The following YARS1 variants were observed in gnomAD, a reference collection of about 807,000 sequenced individuals.
YARS1 encodes tyrosine--tRNA ligase, cytoplasmic.
A neutral mutation model predicts 62.2 loss-of-function variants in YARS1; 36 were observed. That is an observed-to-expected ratio of 0.58 (90% confidence interval 0.44 to 0.76). The LOEUF is 0.76. YARS1 is among the 30% of genes least tolerant of loss of function. The pLI, the probability that YARS1 is intolerant of heterozygous loss-of-function variation, is 0.00. For missense variants in YARS1, 524 were observed against 639.8 expected (o/e 0.82, Z 1.95); for synonymous variants, 234 against 244.9 (o/e 0.96, Z 0.42).
intron 5 of YARS1, among the ~76,000 whole-genome samples, chr1:32,794,901 G>C (rs1653524297): frequency 6.7e-6 from 1 of 150,374 alleles, no homozygotes; most frequent in East Asian, 2.0e-4. Flanking sequence ...CTACTCGGAA[G>C]GCTGAGGCAG....
chr1:32,806,735 A>C, intron 3 of YARS1, 124 bp from the exon 4 acceptor site: 1 of 1,323,250 alleles, frequency 7.6e-7, no homozygotes, highest in Non-Finnish European at 1.1e-6. Context: ...GGTTTTAAAA[A>C]TATATTTTAA....
intron 5 of YARS1, among the ~76,000 whole-genome samples, chr1:32,792,088 G>A (rs1044436104): frequency 1.3e-5 from 2 of 152,202 alleles, no homozygotes; most frequent in African/African-American, 4.8e-5. Flanking sequence ...TCATAGCTGT[G>A]TATGCACATA....
chr1:32,812,182 A>G (rs1269816710), intron 1 of YARS1, among the ~76,000 whole-genome samples: 5 of 152,140 alleles, frequency 3.3e-5, no homozygotes, highest in Non-Finnish European at 7.3e-5. Flanking sequence ...ATGCCTGGCT[A>G]GTTTTTTCAG....
At chr1:32,780,411 C>A (rs1028111847) in intron 10 of YARS1, 133 bp from the exon 11 acceptor site, 6 of 991,640 alleles carry the variant, frequency 6.1e-6, no homozygotes, top group African/African-American at 1.6e-5. Flanking sequence ...AGCTAACTTT[C>A]TTTCCACGTC....
chr1:32,799,657 T>A (rs993587937), intron 4 of YARS1, among the ~76,000 whole-genome samples: 5 of 152,238 alleles, frequency 3.3e-5, no homozygotes, highest in Non-Finnish European at 7.3e-5. Context: ...ATATATTATA[T>A]GTCTGTGCTG....
chr1:32,782,621 G>A, intron 8 of YARS1, 82 bp from the exon 9 acceptor site: 1 of 1,586,500 alleles, frequency 6.3e-7, no homozygotes. Context: ...AGGATCAAGG[G>A]AGTTTTTCCC....
intron 8 of YARS1, among the ~76,000 whole-genome samples, chr1:32,785,384 C>T (rs1054478852): frequency 1.3e-5 from 2 of 151,112 alleles, no homozygotes; most frequent in African/African-American, 4.9e-5. Flanking sequence ...TCGCTTGAAC[C>T]TGGGAGGCGG....
chr1:32,806,685 A>G (rs1416711295), intron 3 of YARS1, 74 bp from the exon 4 acceptor site: 2 of 1,602,024 alleles, frequency 1.2e-6, no homozygotes, highest in African/African-American at 1.3e-5. Context: ...TCTAAAGCAC[A>G]TTAATTTACT....
At chr1:32,787,980 C>T (rs910853169) in intron 6 of YARS1, among the ~76,000 whole-genome samples, 14 of 151,946 alleles carry the variant, frequency 9.2e-5, no homozygotes, top group African/African-American at 2.9e-4. Context: ...TGTGGTTGTA[C>T]GCGCCTGTGG....
chr1:32,807,228 ATAGTACTTTAGAACAC>A (rs1638483682), intron 3 of YARS1, among the ~76,000 whole-genome samples: 1 of 152,122 alleles, frequency 6.6e-6, no homozygotes, highest in South Asian at 2.1e-4. Flanking sequence ...AGAATTTAAG[ATAGTACTTTAGAACAC>A]TAGTTCACCA....
rs778307213 is a variant in YARS1 at position 32,810,739 on chromosome 1, C to T, written c.232G>A (p.Ala78Thr). ...EVTILFADLH[A>T]YLDNMKAPWE... ...GGGGCTTTCATGTTATCCAGGTATG[C>T]GTGGAGGTCCGCAAACAGAATTGTT... The change falls in exon 3 of 13, where the codon GCA (alanine) becomes ACA (threonine). Residue 78 changes from alanine to threonine, a missense_variant. By Grantham distance (58) the Ala-to-Thr change is moderately conservative. Coordinates refer to ENST00000373477, the MANE Select transcript of YARS1 (RefSeq NM_003680.4). 5.6e-6 allele frequency: 9 copies of T among 1,614,092 alleles called. No homozygotes were observed. Among genetic ancestry groups the T allele is most frequent in the Non-Finnish European group, 7.6e-6 (9 of 1,180,016 alleles).
At chr1:32,816,189 TA>T (rs1236102284) in intron 1 of YARS1, among the ~76,000 whole-genome samples, 6 of 151,900 alleles carry the variant, frequency 3.9e-5, no homozygotes, top group Non-Finnish European at 8.8e-5. Context: ...TTGTGCACTT[TA>T]AAAGGGTGAA....
intron 6 of YARS1, among the ~76,000 whole-genome samples, chr1:32,788,002 C>T (rs1432037765): frequency 1.3e-5 from 2 of 152,076 alleles, no homozygotes; most frequent in Non-Finnish European, 2.9e-5. Context: ...CCCAGCTACT[C>T]AGGAGGCTGA....
chr1:32,810,935 T>G lies in YARS1; in HGVS notation c.180A>C (p.Ala60=), dbSNP rs748057250. The G allele has an allele frequency of 6.2e-7, 1 of 1,614,210 alleles. No homozygotes were observed. The highest frequency in any genetic ancestry group is 8.5e-7 in the Non-Finnish European group (1 of 1,180,040). Reference sequence around the variant, plus strand: ...CCTCACACCCTGCCTTTAAGAAGTCTGCAATCTTTGACATGGGCACAAAGT... The same window carrying G: ...CCTCACACCCTGCCTTTAAGAAGTCGGCAATCTTTGACATGGGCACAAAGT... ...VAYFVPMSKI[A]DFLKAGCEVT... Residue 60 remains alanine (A), a synonymous_variant, in exon 2 of 13, where the codon GCA becomes GCC. Transcript: ENST00000373477.
At chr1:32,792,443 A>G (rs766887497) in intron 5 of YARS1, among the ~76,000 whole-genome samples, 9 of 152,244 alleles carry the variant, frequency 5.9e-5, no homozygotes, top group Admixed American at 2.6e-4. Context: ...CAATGCATCT[A>G]TAATCCCTTT....
At chr1:32,780,446 C>A in intron 10 of YARS1, 168 bp from the exon 11 acceptor site, 1 of 731,476 alleles carries the variant, frequency 1.4e-6, no homozygotes. Context: ...GGAGAATGGG[C>A]TCTGATGGTA....
chr1:32,798,574 C>T (rs966205932), intron 4 of YARS1, among the ~76,000 whole-genome samples: 39 of 152,180 alleles, frequency 2.6e-4, no homozygotes, highest in African/African-American at 8.4e-4. Flanking sequence ...CGATGGCTCA[C>T]GCCTGTAATC....
At chr1:32,789,281 CCTT>C (rs1410993946) in intron 6 of YARS1, among the ~76,000 whole-genome samples, 2 of 152,176 alleles carry the variant, frequency 1.3e-5, no homozygotes, top group East Asian at 3.8e-4. Context: ...AGAATCATTT[CCTT>C]AAGATGCCGA....
intron 8 of YARS1, among the ~76,000 whole-genome samples, chr1:32,784,061 G>A (rs1043351822): frequency 3.3e-5 from 5 of 151,066 alleles, no homozygotes; most frequent in Non-Finnish European, 7.4e-5. Context: ...CTGGAGTACA[G>A]TGGCGCAATC....
Sources: gnomAD v4.1 joint callset for allele counts (sites outside exome capture counted in the v4.1 genomes callset) on GRCh38, gnomAD v4.1.1 for gene constraint, MANE v1.5 for transcripts, NCBI Gene and HGNC (gene_info 2026-07-23, HGNC 2026-07-21) for gene names.